The following EIF4G1 variants were observed in gnomAD, a reference collection of about 807,000 sequenced individuals.
EIF4G1 encodes the protein EIF4-gamma.
Under a neutral mutation model 187.8 loss-of-function variants are expected in EIF4G1, and 4 were observed. The ratio of observed to expected loss-of-function variants is 0.02; its 90% CI spans 0.01 to 0.05. EIF4G1 has a LOEUF of 0.05. EIF4G1 is among the 10% of genes least tolerant of loss of function. The probability of loss-of-function intolerance (pLI) is 1.00; values close to 1 mark genes in which losing one functional copy is unlikely to be tolerated. For synonymous variants in EIF4G1, 844 were observed against 781.4 expected (o/e 1.08, Z -1.34); for missense variants, 1,647 against 2,081.1 (o/e 0.79, Z 4.06).
chr3:184,328,177 A>G, intron 26 of EIF4G1, 175 bp downstream of exon 26: 1 of 710,470 alleles, frequency 1.4e-6, no homozygotes, highest in Non-Finnish European at 2.4e-6. Flanking sequence ...TTAGAGGATC[A>G]CGTGAGGTTG....
chr3:184,315,099 G>T, intron 1 of EIF4G1: 1 of 327,274 alleles, frequency 3.1e-6, no homozygotes, highest in Non-Finnish European at 5.9e-6. Context: ...GAGGGCGCAG[G>T]GGAGGGAGGC....
chr3:184,317,679 C>T (rs1723036968), intron 5 of EIF4G1, 38 bp from the exon 6 acceptor site: 1 of 1,580,794 alleles, frequency 6.3e-7, no homozygotes, highest in Non-Finnish European at 8.7e-7. Flanking sequence ...CTCATAGCTC[C>T]CTCAACTCCT....
chr3:184,319,430 T>G (rs952808089), intron 6 of EIF4G1, among the ~76,000 whole-genome samples: 81 of 45,338 alleles, frequency 1.8e-3, no homozygotes, highest in African/African-American at 6.0e-3. Context: ...ACGAGGGGTG[T>G]GTGTGTGTGT....
chr3:184,326,405 TA>T, intron 21 of EIF4G1, 121 bp from the exon 22 acceptor site: 3 of 1,012,836 alleles, frequency 3.0e-6, no homozygotes, highest in Non-Finnish European at 4.6e-6. Flanking sequence ...GGCCCTTTAT[TA>T]AAAAAGATTT....
intron 3 of EIF4G1, 124 bp from the exon 4 acceptor site, chr3:184,316,008 A>T: frequency 6.5e-7 from 1 of 1,535,240 alleles, no homozygotes; most frequent in Non-Finnish European, 8.8e-7. Context: ...GGGGGCTGTC[A>T]CGGGGAGGGG....
rs756419617 is a variant in EIF4G1, at chr3:184,315,469, C to T, written c.-91-20C>T. 1.9e-5 allele frequency: 12 copies of T among 617,732 alleles called. No homozygotes were observed. The highest frequency in any genetic ancestry group is 3.4e-5 in the Non-Finnish European group (11 of 324,046). 38.3% of individuals were successfully genotyped at this position (617,732 alleles called of 1,614,324 possible). On this transcript the variant is annotated intron_variant, in intron 1 of 32. Transcript: ENST00000346169. ...GGGGCCCCGCGGAGCCAGGTTGATACCCTCACCTCCCAACCCCAGGCCCTC... is the reference window on the plus strand; with the variant it reads ...GGGGCCCCGCGGAGCCAGGTTGATATCCTCACCTCCCAACCCCAGGCCCTC...
At position 184,319,824 on chromosome 3, in the gene EIF4G1, G is replaced by A. The variant is rs766398718; in HGVS notation, c.537+23G>A. The A allele has an allele frequency of 1.2e-5, 18 of 1,482,834 alleles. 1 individual carries two copies. The highest frequency in any genetic ancestry group is 5.9e-5 in the South Asian group (5 of 84,364). The allele number at this position is 1,482,834 out of a possible 1,614,324, so 91.9% of individuals were successfully genotyped here. A position where few individuals can be genotyped will look rare whatever the true frequency, so the allele number is the denominator to read the frequency against. ...ACGGTGAGTAGCAGTGAGGGGCTCCGGGACATCTGGGAAGGGGAGAATCAA... is the reference window on the plus strand; with the variant it reads ...ACGGTGAGTAGCAGTGAGGGGCTCCAGGACATCTGGGAAGGGGAGAATCAA... On this transcript the variant is annotated intron_variant, in intron 7 of 32. Transcript: ENST00000346169.
chr3:184,315,981 G>C, intron 3 of EIF4G1, 125 bp downstream of exon 3: 1 of 1,518,318 alleles, frequency 6.6e-7, no homozygotes, highest in Non-Finnish European at 8.9e-7. Flanking sequence ...TTGAGACAGG[G>C]CCCCTGGGCT....
At chr3:184,319,484 T>G (rs1723458155) in intron 6 of EIF4G1, 1 of 516,842 alleles carries the variant, frequency 1.9e-6, no homozygotes, top group Non-Finnish European at 3.6e-6. Context: ...TGTGTGTGTG[T>G]TAGGAATTCT....
At chr3:184,324,728 T>C (rs1724547207) in intron 17 of EIF4G1, 150 bp from the exon 18 acceptor site, 9 of 882,232 alleles carry the variant, frequency 1.0e-5, no homozygotes, top group Admixed American at 1.8e-5. Context: ...GCCTCCCAAA[T>C]TGATGGGATT....
At position 184,334,357 on chromosome 3, in the gene EIF4G1, T is replaced by C. The variant is rs946785458; in HGVS notation, c.4619-370T>C. On this transcript the variant is annotated intron_variant, in intron 32 of 32. Coordinates refer to ENST00000346169, the MANE Select transcript of EIF4G1 (RefSeq NM_198241.3). The surrounding 1 kb of genome is among the most constrained non-coding windows in gnomAD (Gnocchi z 5.8). ...GGGGGCAGTGAATGTTCAGGTTACA[T>C]GTAGGATATATATAGGACTTTATGT... is the stretch of plus-strand genomic sequence containing the variant. 5.9e-5 allele frequency among the ~76,000 whole-genome samples: 9 copies of C among 152,148 alleles called. No homozygotes were observed. Among genetic ancestry groups the C allele is most frequent in the African/African-American group, 1.2e-4 (5 of 41,410 alleles).
In EIF4G1 at chr3:184,328,178, C is replaced by T. The variant is rs540405635; in HGVS notation, c.3953+176C>T. On this transcript the variant is annotated intron_variant, in intron 26 of 32. Transcript: ENST00000346169. ...GTGGGTTGGATTCCTTAGAGGATCA[C>T]GTGAGGTTGGGAGTTCTAGACCAGC... The T allele has an allele frequency of 1.1e-4, 79 of 706,218 alleles. 1 individual carries two copies. Among genetic ancestry groups the T allele is most frequent in the South Asian group, 1.1e-3 (69 of 63,244 alleles). 43.7% of individuals were successfully genotyped at this position (706,218 alleles called of 1,614,324 possible). A position where few individuals can be genotyped will look rare whatever the true frequency, so the allele number is the denominator to read the frequency against.
At position 184,326,934 on chromosome 3, in the gene EIF4G1, C is replaced by G; in HGVS notation, c.3379C>G (p.Gln1127Glu). The G allele has an allele frequency of 6.2e-7, 1 of 1,614,250 alleles. No individual in the cohort carries two copies. Among genetic ancestry groups the G allele is most frequent in the Non-Finnish European group, 8.5e-7 (1 of 1,180,048 alleles). The change falls in exon 23 of 33, where the codon CAA becomes GAA. Residue 1127 changes from glutamine (Q) to glutamate (E), a missense_variant. Gln to Glu is a conservative substitution (Grantham distance 29). Coordinates refer to ENST00000346169, the MANE Select transcript of EIF4G1 (RefSeq NM_198241.3). ...TACTTTGAATCGCTTCTCAGCCCTTCAACAAGCGGTACCCACAGAAAGCAC... is the reference window on the plus strand; with the variant it reads ...TACTTTGAATCGCTTCTCAGCCCTTGAACAAGCGGTACCCACAGAAAGCAC... ...TSTLNRFSAL[Q>E]QAVPTESTDN...
Position 184,328,916 on chromosome 3 carries a change from A to C in EIF4G1, c.4087A>C (p.Thr1363Pro). 6.2e-7 allele frequency: 1 copy of C among 1,614,148 alleles called. No homozygotes were observed. The highest frequency in any genetic ancestry group is 1.3e-5 in the African/African-American group (1 of 75,038). ...VPMGELFREI[T>P]KPLRPLGKAA... is the part of the protein sequence containing the mutation. ...GTTTTTCTCTTCTTGTAGGGAGATT[A>C]CAAAGCCTCTGAGACCGTTGGGCAA... Residue 1363 changes from threonine (T) to proline (P), a missense_variant, in exon 28 of 33, where the codon ACA becomes CCA. Thr to Pro is a conservative substitution (Grantham distance 38). This residue lies in a region of EIF4G1 where 543 missense variants were observed against 638.0 expected (regional missense o/e 0.85). Coordinates refer to ENST00000346169, the MANE Select transcript of EIF4G1 (RefSeq NM_198241.3).
rs377342493 is a variant in EIF4G1 at position 184,325,245 on chromosome 3, G to C, written c.2857-24G>C. 7 of 1,613,274 alleles carry C rather than the reference G, an allele frequency of 4.3e-6. No individual in the cohort carries two copies. The African/African-American group carries it at 6.7e-5, about 15-fold the overall frequency. ...ATAGGTGGGACATGAGAAGTTCCTGGTCTGATGCCTTTCTCCTTCCTAGCC... is the reference window on the plus strand; with the variant it reads ...ATAGGTGGGACATGAGAAGTTCCTGCTCTGATGCCTTTCTCCTTCCTAGCC... On this transcript the variant is annotated intron_variant, in intron 18 of 32. Transcript: ENST00000346169. This position sits in a 1 kb window ranked among gnomAD's most constrained non-coding sequence, Gnocchi z 5.2.
rs374947506 is a variant in EIF4G1, at chr3:184,320,993, G to A, written c.697G>A (p.Asp233Asn). The A allele has an allele frequency of 6.2e-7, 1 of 1,613,866 alleles. No individual in the cohort carries two copies. Among genetic ancestry groups the A allele is most frequent in the Non-Finnish European group, 8.5e-7 (1 of 1,179,986 alleles). The change falls in exon 9 of 33, where the codon GAT becomes AAT. Residue 233 changes from aspartate to asparagine, a missense_variant and splice_region_variant. Coordinates refer to ENST00000346169, the MANE Select transcript of EIF4G1 (RefSeq NM_198241.3). ...TPQVAVIVRP[D>N]DRSQGAIIAD... ...CCAGGTTGCTGTCATTGTCCGGCCA[G>A]GTAAGTAAGCCGGTGGGACGGAGCT...
chr3:184,327,690 C>T lies in EIF4G1; in HGVS notation c.3766C>T (p.Leu1256Phe), dbSNP rs1365406644. ...GGCTATCATTGAGGAATATCTCCATCTCAATGACATGAAAGTAGGCAGTGG... is the reference window on the plus strand; with the variant it reads ...GGCTATCATTGAGGAATATCTCCATTTCAATGACATGAAAGTAGGCAGTGG... ...SKAIIEEYLH[L>F]NDMKEAVQCV... is the part of the protein sequence containing the mutation. The change falls in exon 25 of 33, where the codon CTC becomes TTC. Residue 1256 changes from leucine to phenylalanine, a missense_variant. By Grantham distance (22) the Leu-to-Phe change is conservative (BLOSUM62 0). Around this residue, in one of 11 missense-constraint regions of EIF4G1, gnomAD observed 543 missense variants for 638.0 expected, o/e 0.85. Coordinates refer to ENST00000346169, the MANE Select transcript of EIF4G1 (RefSeq NM_198241.3). 6.2e-7 allele frequency: 1 copy of T among 1,614,062 alleles called. No homozygotes were observed. The highest frequency in any genetic ancestry group is 8.5e-7 in the Non-Finnish European group (1 of 1,180,028).
rs370451493 is a variant in EIF4G1 at position 184,331,333 on chromosome 3, G to T, written c.4229G>T (p.Gly1410Val). ...AGCTGGAAGGAATTTCTACCTGAAGGCCAGGACATTGGTGCATTCGTCGCT... is the reference window on the plus strand; with the variant it reads ...AGCTGGAAGGAATTTCTACCTGAAGTCCAGGACATTGGTGCATTCGTCGCT... Reference protein sequence around the residue: ...GLSWKEFLPEGQDIGAFVAEQ... With the variant: ...GLSWKEFLPEVQDIGAFVAEQ... The change falls in exon 29 of 33, where the codon GGC becomes GTC. Residue 1410 changes from glycine to valine, a missense_variant. By Grantham distance (109) the Gly-to-Val change is moderately radical (BLOSUM62 -3). Coordinates refer to ENST00000346169, the MANE Select transcript of EIF4G1 (RefSeq NM_198241.3). The T allele has an allele frequency of 7.4e-6, 12 of 1,614,218 alleles. No individual in the cohort carries two copies. The Admixed American group carries it at 1.2e-4, about 16-fold the overall frequency.
Position 184,323,457 on chromosome 3 carries a change from G to A in EIF4G1, c.2138G>A (p.Arg713His). The part of the protein sequence containing the change: ...RSQQGPRKEP[R>H]KIIATVLMTE... ...CAGCAGGGACCCCGAAAAGAACCAC[G>A]CAAGATCATTGCCACAGTGTTAATG... The change falls in exon 15 of 33, where the codon CGC becomes CAC. Residue 713 changes from arginine to histidine, a missense_variant. Around this residue, in one of 11 missense-constraint regions of EIF4G1, gnomAD observed 140 missense variants for 222.2 expected, o/e 0.63. Coordinates refer to ENST00000346169, the MANE Select transcript of EIF4G1 (RefSeq NM_198241.3). This position sits in a 1 kb window ranked among gnomAD's most constrained non-coding sequence, Gnocchi z 6.9. The A allele has an allele frequency of 3.1e-6, 5 of 1,614,188 alleles. No individual in the cohort carries two copies. The highest frequency in any genetic ancestry group is 4.2e-6 in the Non-Finnish European group (5 of 1,180,030).
Sources: allele counts gnomAD v4.1 joint callset (sites outside exome capture counted in the v4.1 genomes callset), GRCh38; gene constraint gnomAD v4.1.1; regional missense constraint gnomAD v4.1.1; non-coding constraint Gnocchi (gnomAD v3.1); transcripts MANE v1.5; gene names NCBI Gene and HGNC (gene_info 2026-07-23, HGNC 2026-07-21).